The following U2SURP variants were observed in gnomAD, a reference collection of about 807,000 sequenced individuals.
U2SURP encodes the protein U2 snRNP-associated SURP motif-containing protein.
A neutral mutation model predicts 144.9 loss-of-function variants in U2SURP; 9 were observed. The ratio of observed to expected loss-of-function variants is 0.06; its 90% CI spans 0.04 to 0.11. The LOEUF (loss-of-function observed/expected upper bound fraction) is 0.11, where lower values mean the gene tolerates loss of function less well. Ranked by LOEUF, U2SURP falls within the 10% of genes least tolerant of loss-of-function variation. The pLI is 1.00. For synonymous variants in U2SURP, 408 were observed against 396.8 expected, an observed-to-expected ratio of 1.03 and a Z score of -0.33; for missense variants, 724 against 1,226.7, an observed-to-expected ratio of 0.59 and a Z score of 6.12.
rs116198671 is a variant in U2SURP at position 143,043,703 on chromosome 3, T to A, written c.2544+427T>A. 7.8e-3 allele frequency among the ~76,000 whole-genome samples: 943 copies of A among 120,760 alleles called. 6 individuals carry two copies. The highest frequency in any genetic ancestry group is 0.031 in the African/African-American group (892 of 28,506). The allele number at this position is 120,760 out of a possible 152,430, so 79.2% of individuals were successfully genotyped here. A position where few individuals can be genotyped will look rare whatever the true frequency, so the allele number is the denominator to read the frequency against. ...GATCCTCTGAAGAAATGGATTCTAA[T>A]GTATAGATTATATGTATATATATAT... On this transcript the variant is annotated intron_variant, in intron 24 of 27. Transcript: ENST00000473835.
chr3:143,014,101 T>G (rs908508896), intron 3 of U2SURP, among the ~76,000 whole-genome samples: 3 of 151,962 alleles, frequency 2.0e-5, no homozygotes, highest in Non-Finnish European at 4.4e-5. Context: ...GACCTTGAGC[T>G]AGTAAATGAA....
chr3:143,007,476 C>T (rs956919053), intron 1 of U2SURP, among the ~76,000 whole-genome samples: 17 of 139,696 alleles, frequency 1.2e-4, no homozygotes, highest in African/African-American at 2.2e-4. Flanking sequence ...GACAGAGTCT[C>T]GCTCTGTCGC....
intron 7 of U2SURP, 23 bp from the exon 8 acceptor site, chr3:143,020,576 G>GTGAT (rs1356303843): frequency 6.3e-7 from 1 of 1,579,178 alleles, no homozygotes; most frequent in Admixed American, 1.8e-5. Context: ...CTCATTATAA[G>GTGAT]TGATTGTAAA....
rs1357973944 is a variant in U2SURP at position 143,060,095 on chromosome 3, C to T, written c.*3645C>T. On this transcript the variant is annotated 3_prime_UTR_variant, in exon 28 of 28. Transcript: ENST00000473835. The stretch of plus-strand genomic sequence containing the variant: ...TGCCTCAGTGTTTATTCAGTACCAC[C>T]TCATGGAGCTTCAATGTAAATGGAT... 1 of 152,372 alleles carries T rather than the reference C, an allele frequency of 6.6e-6. No homozygotes were observed. The highest frequency in any genetic ancestry group is 2.4e-5 in the African/African-American group (1 of 41,400). 9.4% of individuals were successfully genotyped at this position (152,372 alleles called of 1,614,324 possible). A position where few individuals can be genotyped will look rare whatever the true frequency, so the allele number is the denominator to read the frequency against.
chr3:143,034,075 A>G (rs564974584), intron 18 of U2SURP, among the ~76,000 whole-genome samples: 1 of 152,270 alleles, frequency 6.6e-6, no homozygotes, highest in East Asian at 1.9e-4. Context: ...AATGTTTCCT[A>G]AGGCAAAAGG....
rs1300904787 is a variant in U2SURP, at chr3:143,017,685, A to G, written c.570+710A>G. On this transcript the variant is annotated intron_variant, in intron 6 of 27. Coordinates refer to ENST00000473835, the MANE Select transcript of U2SURP (RefSeq NM_001080415.2). ...ACCCAGGCTAGAGTGTAGTAGTGTG[A>G]TTACGGCTCCTGCAGCCTCAACCTC... Among the ~76,000 whole-genome samples the G allele has an allele frequency of 2.0e-5, 3 of 152,050 alleles. No homozygotes were observed. In the East Asian group the frequency reaches 5.8e-4, roughly 29 times the overall value.
chr3:143,053,866 T>C (rs1935012690), intron 26 of U2SURP, 72 bp downstream of exon 26: 2 of 1,237,126 alleles, frequency 1.6e-6, no homozygotes, highest in Non-Finnish European at 2.2e-6. Flanking sequence ...AATACTTTCA[T>C]CATTGATGCC....
In U2SURP at chr3:143,055,075, A is replaced by G; in HGVS notation, c.2907A>G (p.Ser969=). 6.2e-7 allele frequency: 1 copy of G among 1,606,516 alleles called. No homozygotes were observed. Among genetic ancestry groups the G allele is most frequent in the Non-Finnish European group, 8.5e-7 (1 of 1,177,068 alleles). The change falls in exon 27 of 28, where the codon TCA becomes TCG. Residue 969 remains serine, a synonymous_variant. Coordinates refer to ENST00000473835, the MANE Select transcript of U2SURP (RefSeq NM_001080415.2). The part of the protein sequence containing the change: ...RSHKESSRSR[S]SHKDSPRDVS... ...ATAAAGAGAGCTCACGGTCCAGGTC[A>G]TCTCACAAAGATTCTCCTAGAGATG...
chr3:143,002,962 A>G (rs1021003560), intron 1 of U2SURP, among the ~76,000 whole-genome samples: 1 of 152,150 alleles, frequency 6.6e-6, no homozygotes, highest in African/African-American at 2.4e-5. Context: ...ACTCTTCTCA[A>G]CAGACTCCTG....
intron 1 of U2SURP, among the ~76,000 whole-genome samples, chr3:143,005,839 AC>A (rs1166943103): frequency 1.4e-5 from 2 of 147,400 alleles, no homozygotes; most frequent in African/African-American, 5.0e-5. Flanking sequence ...TCTACCCTCC[AC>A]CCTTTTTTTC....
chr3:143,029,830 A>G (rs1286983287), intron 16 of U2SURP, among the ~76,000 whole-genome samples: 2 of 152,254 alleles, frequency 1.3e-5, no homozygotes, highest in Non-Finnish European at 2.9e-5. Context: ...CAATGAACAC[A>G]TGAATGATGA....
chr3:143,043,173 A>G lies in U2SURP; in HGVS notation c.2441A>G (p.His814Arg). The change falls in exon 24 of 28, where the codon CAT becomes CGT. Residue 814 changes from histidine to arginine, a missense_variant. His to Arg is a conservative substitution (Grantham distance 29). This residue lies in a region of U2SURP where 50 missense variants were observed against 48.0 expected (regional missense o/e 1.04). Transcript: ENST00000473835. ...ACTCAAAGTTCCAAATCTGAAGAAC[A>G]TCATTTGTACTCTAATCCAATCAAA... ...EDTQSSKSEE[H>R]HLYSNPIKEE... The G allele has an allele frequency of 6.2e-7, 1 of 1,604,518 alleles. No individual in the cohort carries two copies. Among genetic ancestry groups the G allele is most frequent in the Non-Finnish European group, 8.5e-7 (1 of 1,175,166 alleles).
chr3:143,012,053 G>A (rs2108272962), intron 2 of U2SURP, 169 bp from the exon 3 acceptor site: 1 of 851,144 alleles, frequency 1.2e-6, no homozygotes, highest in South Asian at 1.5e-5. Flanking sequence ...AACTTTCCCT[G>A]TTCTTAAGAA....
At chr3:143,048,719 G>A (rs1317348688) in intron 24 of U2SURP, among the ~76,000 whole-genome samples, 1 of 152,008 alleles carries the variant, frequency 6.6e-6, no homozygotes, top group Admixed American at 6.5e-5. Flanking sequence ...CCAACATGGT[G>A]AAACCCTGTC....
At chr3:143,043,981 C>G (rs1417710503) in intron 24 of U2SURP, among the ~76,000 whole-genome samples, 2 of 151,958 alleles carry the variant, frequency 1.3e-5, no homozygotes, top group African/African-American at 4.8e-5. Context: ...TCTTGATCTC[C>G]TGACCTCGTG....
chr3:143,014,055 T>C (rs758269196), intron 3 of U2SURP, among the ~76,000 whole-genome samples: 3 of 118,458 alleles, frequency 2.5e-5, no homozygotes, highest in African/African-American at 4.8e-5. Flanking sequence ...CTTCTATTTT[T>C]ACCTTTTTTT....
chr3:143,029,124 A>G (rs1308250868), intron 16 of U2SURP, among the ~76,000 whole-genome samples: 2 of 152,218 alleles, frequency 1.3e-5, no homozygotes, highest in African/African-American at 2.4e-5. Flanking sequence ...TCACTTAACA[A>G]TTGTACAGTG....
chr3:143,004,414 A>T (rs1331546412), intron 1 of U2SURP, among the ~76,000 whole-genome samples: 5 of 113,860 alleles, frequency 4.4e-5, no homozygotes, highest in African/African-American at 1.7e-4. Flanking sequence ...CCCAGGCTGG[A>T]GTGCAGTGGT....
At chr3:143,004,912 G>GGA (rs201152788) in intron 1 of U2SURP, among the ~76,000 whole-genome samples, 10 of 151,598 alleles carry the variant, frequency 6.6e-5, no homozygotes, top group African/African-American at 1.2e-4. Flanking sequence ...CATTTTGAGA[G>GGA]GAGAGAGAGA....
Sources: gnomAD v4.1 joint callset for allele counts (sites outside exome capture counted in the v4.1 genomes callset) on GRCh38, gnomAD v4.1.1 for gene constraint, gnomAD v4.1.1 regional missense constraint, MANE v1.5 for transcripts, NCBI Gene and HGNC (gene_info 2026-07-23, HGNC 2026-07-21) for gene names.